DIS3L: variants seen among roughly 807,000 people sequenced by gnomAD.
The protein encoded by DIS3L is DIS3 like exosome 3'-5' exoribonuclease, also known as DIS3-like exonuclease 1.
Under a neutral mutation model 120.3 loss-of-function variants are expected in DIS3L, and 100 were observed. The observed-to-expected ratio is 0.83, with a 90% confidence interval of 0.71 to 0.98. DIS3L has a LOEUF of 0.98. Ranked by LOEUF, DIS3L falls within the 50% of genes least tolerant of loss-of-function variation. DIS3L has a pLI of 0.00. For synonymous variants in DIS3L, 426 were observed against 470.6 expected (o/e 0.91, Z 1.23); for missense variants, 1,196 against 1,314.2 (o/e 0.91, Z 1.39).
chr15:66,331,982 T>C lies in DIS3L; in HGVS notation c.2643T>C (p.Tyr881=). 1 of 1,612,778 alleles carries C rather than the reference T, an allele frequency of 6.2e-7. No homozygotes were observed. Among genetic ancestry groups the C allele is most frequent in the Non-Finnish European group, 8.5e-7 (1 of 1,179,622 alleles). ...GTTGCATATCTGACGGAGTTATTTA[T>C]TCAATTAGAACAAATGGTGTGCTTC... ...EERCISDGVI[Y]SIRTNGVLLF... is the part of the protein sequence containing the mutation. Residue 881 remains tyrosine (Y), a synonymous_variant, in exon 15 of 17, where the codon TAT becomes TAC. Coordinates refer to ENST00000319212, the MANE Select transcript of DIS3L (RefSeq NM_001143688.3).
At chr15:66,314,987 T>C (rs1323996300) in intron 6 of DIS3L, 49 bp from the exon 7 acceptor site, 1 of 1,577,734 alleles carries the variant, frequency 6.3e-7, no homozygotes, top group Admixed American at 1.7e-5. Flanking sequence ...CTCACTGGTG[T>C]GCCATTCCCT....
Position 66,333,747 on chromosome 15 carries a change from A to C in DIS3L, c.*435A>C, listed in dbSNP as rs1267952303. ...CCATCTCAAAAAAAAAAAAAAAAAA[A>C]AAAAAAGTTCTCTCATTCATTAAAG... On this transcript the variant is annotated 3_prime_UTR_variant, in exon 17 of 17. Coordinates refer to ENST00000319212, the MANE Select transcript of DIS3L (RefSeq NM_001143688.3). 1 of 139,464 alleles carries C rather than the reference A, an allele frequency of 7.2e-6. No homozygotes were observed. The highest frequency in any genetic ancestry group is 2.5e-5 in the African/African-American group (1 of 39,584). The allele number at this position is 139,464 out of a possible 1,614,324, so 8.6% of individuals were successfully genotyped here.
chr15:66,333,552 A>C lies in DIS3L; in HGVS notation c.*240A>C. 1 of 303,630 alleles carries C rather than the reference A, an allele frequency of 3.3e-6. No individual in the cohort carries two copies. Among genetic ancestry groups the C allele is most frequent in the Non-Finnish European group, 6.1e-6 (1 of 165,192 alleles). 18.8% of individuals were successfully genotyped at this position (303,630 alleles called of 1,614,324 possible). A position where few individuals can be genotyped will look rare whatever the true frequency, so the allele number is the denominator to read the frequency against. ...GAGACCATCCTGGCTAACACGGTGA[A>C]ACCCAGTCTCTACTAAAAATACAAA... On this transcript the variant is annotated 3_prime_UTR_variant, in exon 17 of 17. Coordinates refer to ENST00000319212, the MANE Select transcript of DIS3L (RefSeq NM_001143688.3).
chr15:66,314,452 T>C (rs1400550448), intron 6 of DIS3L, among the ~76,000 whole-genome samples: 1 of 152,210 alleles, frequency 6.6e-6, no homozygotes, highest in Admixed American at 6.5e-5. Flanking sequence ...CTATATTGCT[T>C]TATTGGAGTA....
At chr15:66,331,729 C>A in intron 14 of DIS3L, 146 bp from the exon 15 acceptor site, 1 of 885,076 alleles carries the variant, frequency 1.1e-6, no homozygotes, top group Non-Finnish European at 1.6e-6. Context: ...GGTTAAGTTC[C>A]CACAAAAAGT....
chr15:66,308,481 G>A lies in DIS3L; in HGVS notation c.423-228G>A, dbSNP rs74912810. On this transcript the variant is annotated intron_variant, in intron 3 of 16. Coordinates refer to ENST00000319212, the MANE Select transcript of DIS3L (RefSeq NM_001143688.3). ...AAGAAATGAAAGTGGTTGCAGTGGT[G>A]GTTGGATGTCTTAGGGAAGAGAAGT... Among the ~76,000 whole-genome samples the A allele has an allele frequency of 3.7e-3, 563 of 152,234 alleles. 6 individuals carry two copies. Among genetic ancestry groups the A allele is most frequent in the African/African-American group, 0.013 (553 of 41,524 alleles).
At chr15:66,330,924 G>T (rs1002000596) in intron 14 of DIS3L, among the ~76,000 whole-genome samples, 1 of 152,170 alleles carries the variant, frequency 6.6e-6, no homozygotes, top group Non-Finnish European at 1.5e-5. Flanking sequence ...CGAGGTCGAG[G>T]CCGGTGGATC....
intron 12 of DIS3L, among the ~76,000 whole-genome samples, chr15:66,327,676 G>A (rs932812268): frequency 1.3e-5 from 2 of 152,034 alleles, no homozygotes; most frequent in Non-Finnish European, 2.9e-5. Context: ...CCCGGGAGGC[G>A]GAGGTTGCAG....
chr15:66,296,386 T>C (rs2092586661), intron 2 of DIS3L, among the ~76,000 whole-genome samples: 1 of 152,138 alleles, frequency 6.6e-6, no homozygotes, highest in Non-Finnish European at 1.5e-5. Context: ...TCTTTGAATA[T>C]ACTAAATGTG....
chr15:66,329,177 A>T, intron 13 of DIS3L, 44 bp from the exon 14 acceptor site: 1 of 1,587,642 alleles, frequency 6.3e-7, no homozygotes, highest in Non-Finnish European at 8.6e-7. Flanking sequence ...TAGTTATTTT[A>T]AAATAGTTTT....
Position 66,322,829 on chromosome 15 carries a change from C to G in DIS3L, c.1469C>G (p.Ser490Ter). Residue 490 changes from serine to a stop codon, truncating the protein, a stop_gained, in exon 10 of 17, where the codon TCA becomes TGA. Coordinates refer to ENST00000319212, the MANE Select transcript of DIS3L (RefSeq NM_001143688.3). LOFTEE classifies it high-confidence loss of function. ...KGCEDVDDTL[S>*]VRTLNNGNLE... ...TGTGAAGATGTGGATGACACACTCT[C>G]AGTCAGAACCTTAAATAATGGCAAC... The G allele has an allele frequency of 1.9e-6, 3 of 1,614,212 alleles. No individual in the cohort carries two copies. Among genetic ancestry groups the G allele is most frequent in the Non-Finnish European group, 2.5e-6 (3 of 1,180,030 alleles).
rs752568193 is a variant in DIS3L, at chr15:66,331,958, T to C, written c.2619T>C (p.Arg873=). The change falls in exon 15 of 17, where the codon CGT becomes CGC. Residue 873 remains arginine, a synonymous_variant. Transcript: ENST00000319212. ...FKDKDPATEE[R]CISDGVIYSI... The stretch of plus-strand genomic sequence containing the variant: ...ACAAAGACCCTGCCACCGAGGAGCG[T>C]TGCATATCTGACGGAGTTATTTATT... 2 of 1,613,474 alleles carry C rather than the reference T, an allele frequency of 1.2e-6. No individual in the cohort carries two copies. Among genetic ancestry groups the C allele is most frequent in the East Asian group, 4.5e-5 (2 of 44,858 alleles).
chr15:66,331,947 A>T lies in DIS3L; in HGVS notation c.2608A>T (p.Thr870Ser). The change falls in exon 15 of 17, where the codon ACC (threonine) becomes TCC (serine). Residue 870 changes from threonine (T) to serine (S), a missense_variant. Coordinates refer to ENST00000319212, the MANE Select transcript of DIS3L (RefSeq NM_001143688.3). ...GTACTTCAAAGACAAAGACCCTGCCACCGAGGAGCGTTGCATATCTGACGG... is the reference window on the plus strand; with the variant it reads ...GTACTTCAAAGACAAAGACCCTGCCTCCGAGGAGCGTTGCATATCTGACGG... ...CMYFKDKDPA[T>S]EERCISDGVI... is the part of the protein sequence containing the mutation. 1.2e-6 allele frequency: 2 copies of T among 1,613,600 alleles called. No homozygotes were observed. The highest frequency in any genetic ancestry group is 1.7e-6 in the Non-Finnish European group (2 of 1,179,764).
intron 6 of DIS3L, 178 bp from the exon 7 acceptor site, chr15:66,314,858 G>A: frequency 1.7e-6 from 1 of 588,102 alleles, no homozygotes; most frequent in Non-Finnish European, 2.9e-6. Context: ...AGTATGACAT[G>A]GTGCCAGCAA....
Position 66,329,094 on chromosome 15 carries a change from T to C in DIS3L, c.2326T>C (p.Ser776Pro). 1 of 1,613,918 alleles carries C rather than the reference T, an allele frequency of 6.2e-7. No homozygotes were observed. Among genetic ancestry groups the C allele is most frequent in the East Asian group, 2.2e-5 (1 of 44,886 alleles). Residue 776 changes from serine (S) to proline (P), a missense_variant, in exon 13 of 17, where the codon TCC (serine) becomes CCC (proline). By Grantham distance (74) the Ser-to-Pro change is moderately conservative. Coordinates refer to ENST00000319212, the MANE Select transcript of DIS3L (RefSeq NM_001143688.3). Reference protein sequence around the residue: ...MSNALYFSTGSCAEEEFHHYG... With the variant: ...MSNALYFSTGPCAEEEFHHYG... ...GAATGCTCTGTACTTCTCCACCGGA[T>C]CCTGTGCGGAGGAGGAGTTCCATCA...
intron 3 of DIS3L, 72 bp from the exon 4 acceptor site, chr15:66,308,637 A>G (rs1482811556): frequency 6.5e-7 from 1 of 1,542,042 alleles, no homozygotes; most frequent in Non-Finnish European, 8.8e-7. Flanking sequence ...AGCAAAAGCC[A>G]GATGTGAAAT....
At position 66,322,767 on chromosome 15, in the gene DIS3L, GAA is replaced by G; in HGVS notation, c.1410_1411del (p.Ser471ProfsTer7). 1 of 1,614,166 alleles carries G rather than the reference GAA, an allele frequency of 6.2e-7. No individual in the cohort carries two copies. The highest frequency in any genetic ancestry group is 8.5e-7 in the Non-Finnish European group (1 of 1,180,024). ...AGGAACAAAAACGTAAAGACTTGAG[GAA>G]AAGCCATCTCGTATTCAGCATTGAC... ...EEEQKRKDLR[K>X]SHLVFSIDPK... is the part of the protein sequence containing the mutation. On this transcript the variant is annotated frameshift_variant, in exon 10 of 17. Transcript: ENST00000319212. LOFTEE classifies it high-confidence loss of function.
rs765912933 is a variant in DIS3L at position 66,325,969 on chromosome 15, C to T, written c.1806C>T (p.Ser602=). The T allele has an allele frequency of 1.7e-5, 27 of 1,613,956 alleles. No homozygotes were observed. Among genetic ancestry groups the T allele is most frequent in the Admixed American group, 1.7e-4 (10 of 59,996 alleles). ...AAQELLDGNL[S]VVDDIPEFKD... is the part of the protein sequence containing the mutation. Reference sequence around the variant, plus strand: ...AAGAACTACTGGATGGAAACTTAAGCGTTGTTGATGATATTCCAGAATTCA... The same window carrying T: ...AAGAACTACTGGATGGAAACTTAAGTGTTGTTGATGATATTCCAGAATTCA... The change falls in exon 12 of 17, where the codon AGC becomes AGT. Residue 602 remains serine, a synonymous_variant. Coordinates refer to ENST00000319212, the MANE Select transcript of DIS3L (RefSeq NM_001143688.3).
chr15:66,310,254 C>T (rs1489923741), intron 4 of DIS3L, among the ~76,000 whole-genome samples: 1 of 152,162 alleles, frequency 6.6e-6, no homozygotes, highest in Non-Finnish European at 1.5e-5. Context: ...TCTGGCATGC[C>T]AGAGAATTCC....
Sources: allele counts gnomAD v4.1 joint callset (sites outside exome capture counted in the v4.1 genomes callset), GRCh38; gene constraint gnomAD v4.1.1; transcripts MANE v1.5; gene names NCBI Gene and HGNC (gene_info 2026-07-23, HGNC 2026-07-21).